SPTB: variants seen among roughly 807,000 people sequenced by gnomAD.
SPTB encodes the protein spectrin beta, erythrocytic.
Under a neutral mutation model 256.2 loss-of-function variants are expected in SPTB, and 45 were observed. That is an observed-to-expected ratio of 0.18 (90% CI 0.14 to 0.23). The LOEUF is 0.23. SPTB is among the 10% of genes least tolerant of loss of function. The pLI is 1.00. For synonymous variants in SPTB, 1,231 were observed against 1,243.1 expected (o/e 0.99, Z 0.21); for missense variants, 2,715 against 3,040.4 (o/e 0.89, Z 2.52).
At chr14:64,801,529 T>A in intron 6 of SPTB, 129 bp from the exon 7 acceptor site, 1 of 828,292 alleles carries the variant, frequency 1.2e-6, no homozygotes, top group East Asian at 2.6e-5. Context: ...AAGGAGGAGA[T>A]GGGAGCAGAG....
chr14:64,843,765 C>G (rs78376731), intron 1 of SPTB, among the ~76,000 whole-genome samples: 1,585 of 152,298 alleles, frequency 0.01, 22 homozygotes, highest in South Asian at 0.071. Context: ...GGCAACACCC[C>G]TTGCCAGGCT....
Position 64,759,506 on chromosome 14 carries a change from C to G in SPTB, c.6346-5713G>C, listed in dbSNP as rs1042204478. On this transcript the variant is annotated intron_variant, in intron 32 of 35. Coordinates refer to ENST00000644917, the MANE Select transcript of SPTB (RefSeq NM_001355436.2). This position sits in a 1 kb window ranked among gnomAD's most constrained non-coding sequence, Gnocchi z 4.8. ...ATAAGAGGGGATGAGGGGAGGCTGC[C>G]CCCCTGTAAGCAGGCCATGGTCTGA... Among the ~76,000 whole-genome samples, 2 of 152,204 alleles carry G rather than the reference C, an allele frequency of 1.3e-5. No individual in the cohort carries two copies. Among genetic ancestry groups the G allele is most frequent in the African/African-American group, 4.8e-5 (2 of 41,442 alleles).
At chr14:64,859,356 G>A (rs978257324) in intron 1 of SPTB, among the ~76,000 whole-genome samples, 2 of 152,316 alleles carry the variant, frequency 1.3e-5, no homozygotes, top group South Asian at 4.1e-4. Flanking sequence ...AAGTCTATAG[G>A]TATGCATATG....
At chr14:64,851,367 G>A (rs552717414) in intron 1 of SPTB, among the ~76,000 whole-genome samples, 1 of 152,284 alleles carries the variant, frequency 6.6e-6, no homozygotes, top group South Asian at 2.1e-4. Context: ...ACTTTATGGA[G>A]TTGTTGTGAA....
chr14:64,760,319 C>A lies in SPTB; in HGVS notation c.6345+6407G>T, dbSNP rs1019088471. Among the ~76,000 whole-genome samples the A allele has an allele frequency of 6.6e-6, 1 of 151,996 alleles. No individual in the cohort carries two copies. The highest frequency in any genetic ancestry group is 1.5e-5 in the Non-Finnish European group (1 of 68,010). On this transcript the variant is annotated intron_variant, in intron 32 of 35. Coordinates refer to ENST00000644917, the MANE Select transcript of SPTB (RefSeq NM_001355436.2). The surrounding 1 kb of genome is among the most constrained non-coding windows in gnomAD (Gnocchi z 4.3). ...TGGCCAGGTGGGTAAATGTCTTCTC[C>A]GGGCCAAAGGAGGTGAAGGTGTATG...
chr14:64,828,408 A>G (rs201484544), intron 1 of SPTB, among the ~76,000 whole-genome samples: 4 of 152,176 alleles, frequency 2.6e-5, no homozygotes, highest in South Asian at 2.1e-4. Context: ...TCAGCCTTCT[A>G]TCATAACAAC....
In SPTB at chr14:64,782,333, C is replaced by T. The variant is rs1594769822; in HGVS notation, c.4223G>A (p.Gly1408Asp). 1 of 1,614,200 alleles carries T rather than the reference C, an allele frequency of 6.2e-7. No individual in the cohort carries two copies. The highest frequency in any genetic ancestry group is 2.2e-5 in the East Asian group (1 of 44,878). ...CCGATTGACACTGGTCAGGTCCTTG[C>T]CCGGGTCGTCTGACCGCAGCTGGTC... ...MEDQLRSDDP[G>D]KDLTSVNRML... The change falls in exon 20 of 36, where the codon GGC (glycine) becomes GAC (aspartate). Residue 1408 changes from glycine (G) to aspartate (D), a missense_variant. Transcript: ENST00000644917.
chr14:64,813,095 T>C (rs2083121843), intron 2 of SPTB, among the ~76,000 whole-genome samples: 1 of 152,224 alleles, frequency 6.6e-6, no homozygotes, highest in Non-Finnish European at 1.5e-5. Flanking sequence ...GGTGTTGTTA[T>C]AGCTGGATGG....
Position 64,786,250 on chromosome 14 carries a change from C to T in SPTB, c.3561+154G>A, listed in dbSNP as rs1566758047. On this transcript the variant is annotated intron_variant, in intron 16 of 35. Transcript: ENST00000644917. This position sits in a 1 kb window ranked among gnomAD's most constrained non-coding sequence, Gnocchi z 5.6. Reference sequence around the variant, plus strand: ...GTTTGGGACACAAGGCTGGAAAAGGCCCCTAATGAGAAACAAAGATTTCCC... The same window carrying T: ...GTTTGGGACACAAGGCTGGAAAAGGTCCCTAATGAGAAACAAAGATTTCCC... 6.6e-6 allele frequency among the ~76,000 whole-genome samples: 1 copy of T among 152,186 alleles called. No individual in the cohort carries two copies. The highest frequency in any genetic ancestry group is 2.1e-4 in the South Asian group (1 of 4,828).
rs1023985769 is a variant in SPTB, at chr14:64,747,818, G to A, written c.*1488C>T. On this transcript the variant is annotated 3_prime_UTR_variant, in exon 36 of 36. Coordinates refer to ENST00000644917, the MANE Select transcript of SPTB (RefSeq NM_001355436.2). ...GCCCTCCGCCCTCCCCCCCACCCCC[G>A]ACCCGCTTGACTGCTCTCTTGGACC... 2 of 42,534 alleles carry A rather than the reference G, an allele frequency of 4.7e-5. No individual in the cohort carries two copies. The highest frequency in any genetic ancestry group is 9.6e-5 in the Non-Finnish European group (2 of 20,816). 2.6% of individuals were successfully genotyped at this position (42,534 alleles called of 1,614,324 possible).
At chr14:64,860,898 T>C (rs1366301397) in intron 1 of SPTB, among the ~76,000 whole-genome samples, 1 of 152,162 alleles carries the variant, frequency 6.6e-6, no homozygotes, top group African/African-American at 2.4e-5. Flanking sequence ...AAATCATTCC[T>C]CTATAAAGAC....
intron 4 of SPTB, 22 bp downstream of exon 4, chr14:64,803,585 C>G (rs749488117): frequency 1.2e-6 from 2 of 1,613,770 alleles, no homozygotes; most frequent in Non-Finnish European, 1.7e-6. Context: ...CCCTCGACTT[C>G]CTCTACCCCC....
At chr14:64,814,482 T>C (rs905546666) in intron 2 of SPTB, among the ~76,000 whole-genome samples, 2 of 152,206 alleles carry the variant, frequency 1.3e-5, no homozygotes, top group African/African-American at 4.8e-5. Context: ...TAATAAAATG[T>C]TAAAAAGATA....
rs769300381 is a variant in SPTB at position 64,749,312 on chromosome 14, C to A, written c.6981G>T (p.Lys2327Asn). The A allele has an allele frequency of 9.4e-6, 15 of 1,602,802 alleles. No homozygotes were observed. The highest frequency in any genetic ancestry group is 1.3e-5 in the Non-Finnish European group (15 of 1,176,342). Residue 2327 changes from lysine (K) to asparagine (N), a missense_variant, in exon 36 of 36, where the codon AAG (lysine) becomes AAT (asparagine). Coordinates refer to ENST00000644917, the MANE Select transcript of SPTB (RefSeq NM_001355436.2). The surrounding 1 kb of genome is among the most constrained non-coding windows in gnomAD (Gnocchi z 4.7). Reference protein sequence around the residue: ...KEKRFSFFPKKK With the variant: ...KEKRFSFFPKNK ...CGCCCGCCAGCCCCACCTGCTACTT[C>A]TTTTTGGGGAAGAAGCTGAATCTCT...
rs146516991 is a variant in SPTB at position 64,753,928 on chromosome 14, G to A, written c.6346-135C>T. Reference sequence around the variant, plus strand: ...TACTTCCTTTCTACTCCCACCTCCTGGCCCACCCTGGCTCTCCCACAACCT... The same window carrying A: ...TACTTCCTTTCTACTCCCACCTCCTAGCCCACCCTGGCTCTCCCACAACCT... On this transcript the variant is annotated intron_variant, in intron 32 of 35. Coordinates refer to ENST00000644917, the MANE Select transcript of SPTB (RefSeq NM_001355436.2). 3.0e-4 allele frequency: 350 copies of A among 1,165,052 alleles called. No homozygotes were observed. The African/African-American group carries it at 4.4e-3, about 15-fold the overall frequency. 72.2% of individuals were successfully genotyped at this position (1,165,052 alleles called of 1,614,324 possible). A position where few individuals can be genotyped will look rare whatever the true frequency, so the allele number is the denominator to read the frequency against.
Position 64,785,542 on chromosome 14 carries a change from G to T in SPTB, c.3850C>A (p.Gln1284Lys), listed in dbSNP as rs1343304057. ...ACTCCTTGCTGGAGCCTCACCTCCT[G>T]GCAGTTCTGGAGGAAGTTCTGTAGC... ...LELQNFLQNCQELTLWINDKL... is the reference protein window; with the variant it reads ...LELQNFLQNCKELTLWINDKL... The change falls in exon 18 of 36, where the codon CAG becomes AAG. Residue 1284 changes from glutamine (Q) to lysine (K), a missense_variant. Gln to Lys is a moderately conservative substitution (Grantham distance 53). This residue lies in a region of SPTB where 2,239 missense variants were observed against 2,384.4 expected (regional missense o/e 0.94). Transcript: ENST00000644917. This position sits in a 1 kb window ranked among gnomAD's most constrained non-coding sequence, Gnocchi z 4.4. The T allele has an allele frequency of 1.2e-6, 2 of 1,612,732 alleles. No individual in the cohort carries two copies. Among genetic ancestry groups the T allele is most frequent in the East Asian group, 2.2e-5 (1 of 44,866 alleles).
chr14:64,795,332 C>T lies in SPTB; in HGVS notation c.1644+5G>A, dbSNP rs546438670. 215 of 1,602,768 alleles carry T rather than the reference C, an allele frequency of 1.3e-4. 4 individuals are homozygous for T. The South Asian group carries it at 2.3e-3, about 17-fold the overall frequency. On this transcript the variant is annotated splice_donor_5th_base_variant and intron_variant, in intron 12 of 35. Transcript: ENST00000644917. The surrounding 1 kb of genome is among the most constrained non-coding windows in gnomAD (Gnocchi z 6.5). Reference sequence around the variant, plus strand: ...GGCATGGCGGGGGCGGCCCCCAGGGCCCACCTTGATCTCATCCATCCAGTC... The same window carrying T: ...GGCATGGCGGGGGCGGCCCCCAGGGTCCACCTTGATCTCATCCATCCAGTC...
At position 64,778,635 on chromosome 14, in the gene SPTB, G is replaced by A. The variant is rs2082405344; in HGVS notation, c.4563+522C>T. Among the ~76,000 whole-genome samples the A allele has an allele frequency of 6.6e-6, 1 of 152,126 alleles. No individual in the cohort carries two copies. The highest frequency in any genetic ancestry group is 2.1e-4 in the South Asian group (1 of 4,818). ...AAAGCAGAGGGATGTTTGCTCCAAG[G>A]GCTCAGAGTCCAAAGTTAGTGGCTT... On this transcript the variant is annotated intron_variant, in intron 22 of 35. Coordinates refer to ENST00000644917, the MANE Select transcript of SPTB (RefSeq NM_001355436.2). The surrounding 1 kb of genome is among the most constrained non-coding windows in gnomAD (Gnocchi z 5.2).
At position 64,761,286 on chromosome 14, in the gene SPTB, G is replaced by T. The variant is rs1470921965; in HGVS notation, c.6345+5440C>A. Among the ~76,000 whole-genome samples the T allele has an allele frequency of 5.9e-5, 9 of 152,322 alleles. No individual in the cohort carries two copies. In the East Asian group the frequency reaches 1.7e-3, roughly 29 times the overall value. ...TGTTTGCAAGAGAAGAAAAAGAAATGGTTTGTTGAGCTGAGGGCAGCCAAA... is the reference window on the plus strand; with the variant it reads ...TGTTTGCAAGAGAAGAAAAAGAAATTGTTTGTTGAGCTGAGGGCAGCCAAA... On this transcript the variant is annotated intron_variant, in intron 32 of 35. Coordinates refer to ENST00000644917, the MANE Select transcript of SPTB (RefSeq NM_001355436.2).
Sources: gnomAD v4.1 joint callset for allele counts (sites outside exome capture counted in the v4.1 genomes callset) on GRCh38, gnomAD v4.1.1 for gene constraint, gnomAD v4.1.1 regional missense constraint, Gnocchi (gnomAD v3.1) non-coding constraint, MANE v1.5 for transcripts, NCBI Gene and HGNC (gene_info 2026-07-23, HGNC 2026-07-21) for gene names.